The following DDX6 variants were observed in gnomAD, a reference collection of about 807,000 sequenced individuals.
DDX6 encodes the protein DEAD-box helicase 6, also known as probable ATP-dependent RNA helicase DDX6.
A neutral mutation model predicts 60.6 loss-of-function variants in DDX6; 7 were observed. The observed-to-expected ratio is 0.12, with a 90% CI of 0.07 to 0.22. The LOEUF is 0.22. Ranked by LOEUF, DDX6 falls within the 10% of genes least tolerant of loss-of-function variation. The pLI, the probability that DDX6 is intolerant of heterozygous loss-of-function variation, is 1.00. For synonymous variants in DDX6, 207 were observed against 201.0 expected, an observed-to-expected ratio of 1.03 and a Z score of -0.25; for missense variants, 270 against 589.9, an observed-to-expected ratio of 0.46 and a Z score of 5.62.
intron 10 of DDX6, among the ~76,000 whole-genome samples, chr11:118,756,798 A>G (rs1860993810): frequency 6.6e-6 from 1 of 152,220 alleles, no homozygotes; most frequent in Admixed American, 6.5e-5. Context: ...GCTGTGATTG[A>G]GAAACTGACT....
intron 2 of DDX6, 64 bp downstream of exon 2, chr11:118,785,988 C>A: frequency 6.6e-7 from 1 of 1,507,392 alleles, no homozygotes; most frequent in Non-Finnish European, 9.1e-7. Context: ...TAATAGTCAA[C>A]ACCAAAGTAA....
rs192612335 is a variant in DDX6 at position 118,771,413 on chromosome 11, A to G, written c.370-3061T>C. ...AACTGTTCAAGGATAAAGCTTTAAC[A>G]AAGTACATGTGATAGACTGTAAGTT... is the stretch of plus-strand genomic sequence containing the variant. On this transcript the variant is annotated intron_variant, in intron 4 of 13. Transcript: ENST00000534980. 4.1e-3 allele frequency among the ~76,000 whole-genome samples: 629 copies of G among 152,340 alleles called. 2 individuals are homozygous for G. The highest frequency in any genetic ancestry group is 5.4e-3 in the Non-Finnish European group (369 of 68,030).
chr11:118,776,405 G>C (rs959187535), intron 4 of DDX6, among the ~76,000 whole-genome samples: 3 of 152,030 alleles, frequency 2.0e-5, no homozygotes, highest in Non-Finnish European at 4.4e-5. Flanking sequence ...AATCTGGGCA[G>C]TTCCCTACAC....
chr11:118,769,559 A>G (rs1453206269), intron 4 of DDX6, among the ~76,000 whole-genome samples: 1 of 152,216 alleles, frequency 6.6e-6, no homozygotes, highest in Non-Finnish European at 1.5e-5. Flanking sequence ...ATATACAAAG[A>G]GAGGTCAGGA....
intron 7 of DDX6, among the ~76,000 whole-genome samples, chr11:118,762,999 C>G (rs559485280): frequency 1.3e-5 from 2 of 152,194 alleles, no homozygotes; most frequent in South Asian, 4.1e-4. Flanking sequence ...TCTGCTATCT[C>G]TAAGAAAAAG....
At chr11:118,768,994 A>AAAAAAAAG (rs1555161857) in intron 4 of DDX6, among the ~76,000 whole-genome samples, 1 of 147,886 alleles carries the variant, frequency 6.8e-6, no homozygotes, top group East Asian at 1.9e-4. Context: ...TCTCAAAAAA[A>AAAAAAAAG]AAAAAAAAAA....
intron 4 of DDX6, among the ~76,000 whole-genome samples, chr11:118,773,299 G>A (rs1555162955): frequency 6.6e-6 from 1 of 152,188 alleles, no homozygotes; most frequent in Non-Finnish European, 1.5e-5. Context: ...GCCGGGCGCG[G>A]TGGCTCACGC....
At chr11:118,778,486 A>C (rs1861778337) in intron 4 of DDX6, among the ~76,000 whole-genome samples, 1 of 152,198 alleles carries the variant, frequency 6.6e-6, no homozygotes, top group Non-Finnish European at 1.5e-5. Context: ...CCCTGGTTGA[A>C]AACAATACGC....
intron 4 of DDX6, 77 bp downstream of exon 4, chr11:118,779,555 A>G: frequency 1.1e-6 from 1 of 890,672 alleles, no homozygotes; most frequent in Non-Finnish European, 1.7e-6. Flanking sequence ...TCACTGTATC[A>G]CTTCTGCAGA....
intron 4 of DDX6, among the ~76,000 whole-genome samples, chr11:118,772,662 CA>C (rs782674736): frequency 6.6e-6 from 1 of 152,000 alleles, no homozygotes; most frequent in Non-Finnish European, 1.5e-5. Context: ...CTATTACCCC[CA>C]AAAAACAAAA....
chr11:118,791,540 G>A (rs1565585014), upstream of DDX6: 1 of 152,238 alleles, frequency 6.6e-6, no homozygotes. Flanking sequence ...TGAGACCAGA[G>A]GAACATCTCT....
chr11:118,772,517 TA>T (rs1387279233), intron 4 of DDX6, among the ~76,000 whole-genome samples: 1 of 152,202 alleles, frequency 6.6e-6, no homozygotes, highest in Non-Finnish European at 1.5e-5. Context: ...GTGTGACTGC[TA>T]AAAGGGTTTC....
chr11:118,785,878 G>A, intron 2 of DDX6, 174 bp downstream of exon 2: 1 of 531,760 alleles, frequency 1.9e-6, no homozygotes, highest in South Asian at 3.8e-5. Flanking sequence ...AACAAATTAT[G>A]GCAGAAATAT....
intron 4 of DDX6, among the ~76,000 whole-genome samples, chr11:118,774,973 T>C (rs554200775): frequency 3.3e-5 from 5 of 152,218 alleles, no homozygotes; most frequent in African/African-American, 1.2e-4. Flanking sequence ...GAGGTTATAT[T>C]TTACCAGGGG....
intron 4 of DDX6, among the ~76,000 whole-genome samples, chr11:118,772,325 G>A (rs1861562652): frequency 6.6e-6 from 1 of 152,070 alleles, no homozygotes; most frequent in Admixed American, 6.6e-5. Flanking sequence ...CAGGAAAAAG[G>A]AATGGAATAT....
intron 3 of DDX6, 121 bp downstream of exon 3, chr11:118,780,997 TGGA>T (rs1303797727): frequency 8.5e-5 from 53 of 620,316 alleles, no homozygotes; most frequent in Non-Finnish European, 7.1e-5. Context: ...CTTACTGGGT[TGGA>T]GGAGGAGGGT....
At chr11:118,788,800 A>AT (rs1459214451) in intron 1 of DDX6, 2 of 151,800 alleles carry the variant, frequency 1.3e-5, no homozygotes, top group Admixed American at 6.6e-5. Flanking sequence ...AGCGATCCTC[A>AT]TGCCTTAGCC....
intron 4 of DDX6, among the ~76,000 whole-genome samples, chr11:118,774,897 G>A (rs940336086): frequency 6.6e-6 from 1 of 152,116 alleles, no homozygotes; most frequent in Non-Finnish European, 1.5e-5. Context: ...GAATGGGGGA[G>A]GGATGACAAA....
At chr11:118,773,312 G>A (rs1308953299) in intron 4 of DDX6, among the ~76,000 whole-genome samples, 8 of 152,192 alleles carry the variant, frequency 5.3e-5, no homozygotes, top group Non-Finnish European at 1.0e-4. Context: ...GCTCACGCCT[G>A]TAATCCCAAC....
Sources: gnomAD v4.1 joint callset for allele counts (sites outside exome capture counted in the v4.1 genomes callset) on GRCh38, gnomAD v4.1.1 for gene constraint, MANE v1.5 for transcripts, NCBI Gene and HGNC (gene_info 2026-07-23, HGNC 2026-07-21) for gene names.